SLAMF6: variants seen among roughly 807,000 people sequenced by gnomAD.
SLAMF6 encodes NK-T-B-antigen.
Under a neutral mutation model 38.3 loss-of-function variants are expected in SLAMF6, and 21 were observed. That is an observed-to-expected ratio of 0.55 (90% confidence interval 0.39 to 0.79). The LOEUF is 0.79. Among genes scored for constraint, SLAMF6 ranks in the 30% least tolerant of loss-of-function variants. The probability of loss-of-function intolerance (pLI) is 0.00; values close to 1 mark genes in which losing one functional copy is unlikely to be tolerated. For synonymous variants in SLAMF6, 152 were observed against 146.3 expected (o/e 1.04, Z -0.28); for missense variants, 341 against 385.3 (o/e 0.89, Z 0.96).
chr1:160,521,071 G>T (rs72708818), intron 1 of SLAMF6, among the ~76,000 whole-genome samples: 34,231 of 151,748 alleles, frequency 0.23, 4,542 homozygotes, highest in Middle Eastern at 0.37. Flanking sequence ...TATTTTTTTT[G>T]CTGGCCTCAC....
chr1:160,490,215 T>C lies in SLAMF6; in HGVS notation c.779A>G (p.Gln260Arg). Residue 260 changes from glutamine (Q) to arginine (R), a missense_variant, in exon 5 of 8, where the codon CAG becomes CGG. By Grantham distance (43) the Gln-to-Arg change is conservative. Transcript: ENST00000368057. ...KRRDSLSLST[Q>R]RTQGPAESAR... The stretch of plus-strand genomic sequence containing the variant: ...ATGCTCACCGGGGCCCTGTGTTCGC[T>C]GAGTAGACAAAGATAGGGAATCTGA... 1 of 1,613,738 alleles carries C rather than the reference T, an allele frequency of 6.2e-7. No homozygotes were observed. Among genetic ancestry groups the C allele is most frequent in the Non-Finnish European group, 8.5e-7 (1 of 1,179,794 alleles).
intron 4 of SLAMF6, 34 bp from the exon 5 acceptor site, chr1:160,490,270 ACAG>A: frequency 6.2e-7 from 1 of 1,612,754 alleles, no homozygotes; most frequent in Non-Finnish European, 8.5e-7. Flanking sequence ...GAAATGTGTG[ACAG>A]CAGTGGGAGA....
intron 1 of SLAMF6, among the ~76,000 whole-genome samples, chr1:160,500,413 T>G (rs1653822401): frequency 6.6e-6 from 1 of 152,212 alleles, no homozygotes; most frequent in Admixed American, 6.5e-5. Context: ...TTTGCAATCC[T>G]TTCTGTCTGG....
intron 1 of SLAMF6, among the ~76,000 whole-genome samples, chr1:160,515,682 G>A (rs971616980): frequency 3.9e-5 from 6 of 151,922 alleles, no homozygotes; most frequent in Non-Finnish European, 5.9e-5. Context: ...TTATTCCTGG[G>A]ATGCAAGGCT....
chr1:160,490,329 G>T, intron 4 of SLAMF6, 93 bp from the exon 5 acceptor site: 2 of 1,583,468 alleles, frequency 1.3e-6, no homozygotes, highest in African/African-American at 1.3e-5. Context: ...TGGTGGGAGG[G>T]GACCCAAAAG....
chr1:160,491,398 GA>G lies in SLAMF6; in HGVS notation c.383-11del, dbSNP rs368196600. On this transcript the variant is annotated splice_polypyrimidine_tract_variant and intron_variant, in intron 2 of 7. Transcript: ENST00000368057. The stretch of plus-strand genomic sequence containing the variant: ...ATGTTCCTCAGTTGTCCTGTTTGCA[GA>G]AAAAAAAAAGATCCAGATTAAGGAC... The G allele has an allele frequency of 3.6e-4, 528 of 1,461,446 alleles. No individual in the cohort carries two copies. The highest frequency in any genetic ancestry group is 1.0e-3 in the East Asian group (42 of 40,458). The allele number at this position is 1,461,446 out of a possible 1,614,324, so 90.5% of individuals were successfully genotyped here. A position where few individuals can be genotyped will look rare whatever the true frequency, so the allele number is the denominator to read the frequency against.
At chr1:160,495,025 A>G (rs1324736) in intron 2 of SLAMF6, among the ~76,000 whole-genome samples, 28,703 of 152,174 alleles carry the variant, frequency 0.19, 2,882 homozygotes, top group Admixed American at 0.26. Context: ...TTGGTGTTCT[A>G]TTCTTCAAGA....
At chr1:160,520,352 C>T (rs564769310) in intron 1 of SLAMF6, among the ~76,000 whole-genome samples, 1 of 152,152 alleles carries the variant, frequency 6.6e-6, no homozygotes, top group African/African-American at 2.4e-5. Context: ...ATTTCTTCCT[C>T]CCTACAATCC....
intron 4 of SLAMF6, 79 bp from the exon 5 acceptor site, chr1:160,490,315 G>T: frequency 6.2e-7 from 1 of 1,603,570 alleles, no homozygotes; most frequent in South Asian, 1.1e-5. Flanking sequence ...TGAGTGTTGG[G>T]ATGTGGTGGG....
chr1:160,513,674 C>G (rs574269206), intron 1 of SLAMF6, among the ~76,000 whole-genome samples: 143 of 152,316 alleles, frequency 9.4e-4, no homozygotes, highest in African/African-American at 3.3e-3. Context: ...TCAGCAGAAA[C>G]TTTACAAGCC....
chr1:160,488,206 T>C (rs939410864), intron 6 of SLAMF6, among the ~76,000 whole-genome samples: 1 of 151,706 alleles, frequency 6.6e-6, no homozygotes, highest in African/African-American at 2.4e-5. Flanking sequence ...AACCAATTTG[T>C]GGGAAATTAG....
intron 1 of SLAMF6, among the ~76,000 whole-genome samples, chr1:160,522,827 G>C (rs1446444084): frequency 1.3e-5 from 2 of 152,066 alleles, no homozygotes; most frequent in Non-Finnish European, 2.9e-5. Context: ...TCTTGGTCTT[G>C]GTACTCTTTA....
At chr1:160,511,107 A>G (rs1380842491) in intron 1 of SLAMF6, among the ~76,000 whole-genome samples, 1 of 152,208 alleles carries the variant, frequency 6.6e-6, no homozygotes, top group Non-Finnish European at 1.5e-5. Flanking sequence ...AATACATCCT[A>G]TGTTCATTAA....
intron 1 of SLAMF6, among the ~76,000 whole-genome samples, chr1:160,520,941 C>T (rs1016600045): frequency 6.6e-6 from 1 of 152,172 alleles, no homozygotes; most frequent in Non-Finnish European, 1.5e-5. Flanking sequence ...TTTGACTTTT[C>T]CTGTTTAACT....
intron 6 of SLAMF6, among the ~76,000 whole-genome samples, chr1:160,488,616 G>A (rs1018427726): frequency 2.6e-5 from 4 of 152,020 alleles, no homozygotes; most frequent in African/African-American, 9.7e-5. Context: ...CCTCTACTGT[G>A]CCCCCTTCCC....
chr1:160,488,646 G>C (rs1653098317), intron 6 of SLAMF6, among the ~76,000 whole-genome samples: 1 of 152,010 alleles, frequency 6.6e-6, no homozygotes, highest in African/African-American at 2.4e-5. Context: ...GACTACTTCT[G>C]AACTCCCCTA....
At chr1:160,516,457 C>T (rs946352097) in intron 1 of SLAMF6, among the ~76,000 whole-genome samples, 8 of 152,070 alleles carry the variant, frequency 5.3e-5, no homozygotes, top group African/African-American at 1.9e-4. Flanking sequence ...CACTACTATT[C>T]CCATTAAACT....
chr1:160,502,140 G>C (rs896126052), intron 1 of SLAMF6, among the ~76,000 whole-genome samples: 11 of 152,156 alleles, frequency 7.2e-5, no homozygotes, highest in African/African-American at 2.7e-4. Context: ...TGCTTTGGGA[G>C]CATCCGGGAC....
At chr1:160,489,027 A>T in intron 6 of SLAMF6, 61 bp downstream of exon 6, 1 of 1,451,838 alleles carries the variant, frequency 6.9e-7, no homozygotes, top group Non-Finnish European at 9.7e-7. Flanking sequence ...TTATGGTGAC[A>T]AGTTTGTGAA....
Sources: gnomAD v4.1 joint callset for allele counts (sites outside exome capture counted in the v4.1 genomes callset) on GRCh38, gnomAD v4.1.1 for gene constraint, MANE v1.5 for transcripts, NCBI Gene and HGNC (gene_info 2026-07-23, HGNC 2026-07-21) for gene names.